BMP6: variants seen among roughly 807,000 people sequenced by gnomAD.
BMP6 encodes the protein bone morphogenetic protein 6, also known as VG-1-R.
A neutral mutation model predicts 54.1 loss-of-function variants in BMP6; 17 were observed. The observed-to-expected ratio is 0.31, with a 90% confidence interval of 0.22 to 0.47. BMP6 has a LOEUF of 0.47. BMP6 is among the 20% of genes least tolerant of loss of function. The probability of loss-of-function intolerance (pLI) is 1.00; values close to 1 mark genes in which losing one functional copy is unlikely to be tolerated. For synonymous variants in BMP6, 328 were observed against 291.2 expected, an observed-to-expected ratio of 1.13 and a Z score of -1.28; for missense variants, 720 against 690.4, an observed-to-expected ratio of 1.04 and a Z score of -0.48.
chr6:7,785,596 G>A (rs1275793395), intron 1 of BMP6, among the ~76,000 whole-genome samples: 2 of 152,168 alleles, frequency 1.3e-5, no homozygotes, highest in Non-Finnish European at 2.9e-5. Flanking sequence ...AATGGAGGTC[G>A]TGCAACATGT....
chr6:7,732,844 A>G (rs566350579), intron 1 of BMP6, among the ~76,000 whole-genome samples: 17 of 152,052 alleles, frequency 1.1e-4, no homozygotes, highest in Admixed American at 9.8e-4. Context: ...TCACAAACCA[A>G]TCCTTCACTT....
At chr6:7,833,325 T>C (rs961736306) in intron 1 of BMP6, among the ~76,000 whole-genome samples, 2 of 152,222 alleles carry the variant, frequency 1.3e-5, no homozygotes, top group Non-Finnish European at 2.9e-5. Flanking sequence ...TGCCTGTAGC[T>C]TCTATATTGG....
chr6:7,739,306 G>A (rs1762007613), intron 1 of BMP6, among the ~76,000 whole-genome samples: 2 of 152,128 alleles, frequency 1.3e-5, no homozygotes, highest in Admixed American at 1.3e-4. Context: ...ACAAATCCAA[G>A]AACTCTAGGA....
At chr6:7,787,542 C>G (rs1432718714) in intron 1 of BMP6, among the ~76,000 whole-genome samples, 1 of 152,200 alleles carries the variant, frequency 6.6e-6, no homozygotes, top group African/African-American at 2.4e-5. Context: ...TGTTAGACTC[C>G]TCACTCAGAG....
chr6:7,788,790 A>C (rs1301697462), intron 1 of BMP6, among the ~76,000 whole-genome samples: 3 of 152,146 alleles, frequency 2.0e-5, no homozygotes, highest in Non-Finnish European at 4.4e-5. Flanking sequence ...AAAATTCCTA[A>C]GATACGTAGA....
chr6:7,856,614 T>TTTTTTTTTTTTTTTTTTTTTTTTG (rs1491363620), intron 2 of BMP6, among the ~76,000 whole-genome samples: 2 of 95,134 alleles, frequency 2.1e-5, no homozygotes, highest in Admixed American at 1.1e-4. Flanking sequence ...TTTTTTTTTT[T>TTTTTTTTTTTTTTTTTTTTTTTTG]GAGACGGAGT....
At chr6:7,728,427 A>G (rs1401077595) in intron 1 of BMP6, among the ~76,000 whole-genome samples, 4 of 152,144 alleles carry the variant, frequency 2.6e-5, no homozygotes, top group African/African-American at 9.7e-5. Flanking sequence ...CAGGCAACAG[A>G]ATGGAAATTC....
chr6:7,759,933 G>A (rs896617983), intron 1 of BMP6, among the ~76,000 whole-genome samples: 10 of 151,846 alleles, frequency 6.6e-5, no homozygotes, highest in African/African-American at 2.4e-4. Context: ...CAGAACTCCT[G>A]ACCTCAGGTG....
At chr6:7,798,435 G>C (rs1249950576) in intron 1 of BMP6, among the ~76,000 whole-genome samples, 1 of 152,186 alleles carries the variant, frequency 6.6e-6, no homozygotes, top group African/African-American at 2.4e-5. Context: ...AGTTGGCTCT[G>C]GGTGACCACC....
At chr6:7,784,850 C>T (rs946081718) in intron 1 of BMP6, among the ~76,000 whole-genome samples, 2 of 152,288 alleles carry the variant, frequency 1.3e-5, no homozygotes, top group South Asian at 2.1e-4. Context: ...CTTGGGATTG[C>T]ACAGTCACCT....
intron 2 of BMP6, among the ~76,000 whole-genome samples, chr6:7,846,904 A>G (rs1337084243): frequency 6.6e-6 from 1 of 152,178 alleles, no homozygotes; most frequent in Non-Finnish European, 1.5e-5. Flanking sequence ...ACCTACTGGT[A>G]TCTTTTTGGC....
intron 1 of BMP6, among the ~76,000 whole-genome samples, chr6:7,767,928 G>C (rs1457955209): frequency 1.1e-4 from 17 of 152,204 alleles, no homozygotes. Context: ...ATTAGGTCTG[G>C]GTCTCTAATG....
At chr6:7,758,239 T>C (rs1047335260) in intron 1 of BMP6, among the ~76,000 whole-genome samples, 3 of 152,252 alleles carry the variant, frequency 2.0e-5, no homozygotes, top group African/African-American at 2.4e-5. Flanking sequence ...AGCATCTTTG[T>C]GAATTCGTAC....
At chr6:7,831,952 C>T (rs1429112020) in intron 1 of BMP6, among the ~76,000 whole-genome samples, 1 of 152,146 alleles carries the variant, frequency 6.6e-6, no homozygotes, top group East Asian at 1.9e-4. Context: ...TTCTTGGGCA[C>T]CATGTACTAA....
chr6:7,872,772 A>G (rs969974816), intron 4 of BMP6, among the ~76,000 whole-genome samples: 2 of 147,214 alleles, frequency 1.4e-5, no homozygotes, highest in African/African-American at 2.5e-5. Flanking sequence ...ATTCTTCAAC[A>G]CCAATTAAGT....
chr6:7,796,957 C>A (rs558047899), intron 1 of BMP6, among the ~76,000 whole-genome samples: 6 of 152,248 alleles, frequency 3.9e-5, no homozygotes, highest in African/African-American at 1.4e-4. Flanking sequence ...AACAGAACTC[C>A]AATGCGTTGT....
At chr6:7,807,583 C>A (rs111615244) in intron 1 of BMP6, among the ~76,000 whole-genome samples, 20 of 152,014 alleles carry the variant, frequency 1.3e-4, no homozygotes, top group African/African-American at 4.6e-4. Context: ...CCGGCCGGGA[C>A]CTTGTTTAAC....
chr6:7,860,761 T>C (rs1759320305), intron 2 of BMP6, among the ~76,000 whole-genome samples: 1 of 152,208 alleles, frequency 6.6e-6, no homozygotes, highest in Non-Finnish European at 1.5e-5. Context: ...TTAATTAAAA[T>C]AGTAGATGAT....
At chr6:7,874,737 G>C (rs1363051776) in intron 4 of BMP6, among the ~76,000 whole-genome samples, 3 of 152,118 alleles carry the variant, frequency 2.0e-5, no homozygotes, top group African/African-American at 7.2e-5. Context: ...AATGGAGTGA[G>C]ACCCTGTCTC....
Sources: allele counts gnomAD v4.1 joint callset (sites outside exome capture counted in the v4.1 genomes callset), GRCh38; gene constraint gnomAD v4.1.1; transcripts MANE v1.5; gene names NCBI Gene and HGNC (gene_info 2026-07-23, HGNC 2026-07-21).